Variants in DGKB observed in about 807,000 individuals in gnomAD.
DGKB encodes the protein 90 kDa diacylglycerol kinase.
Under a neutral mutation model 114.3 loss-of-function variants are expected in DGKB, and 67 were observed. The observed-to-expected ratio is 0.59, with a 90% CI of 0.48 to 0.72. The LOEUF is 0.72. DGKB is among the 30% of genes least tolerant of loss of function. DGKB has a pLI of 0.00. For missense variants in DGKB, 907 were observed against 975.2 expected (o/e 0.93, Z 0.93); for synonymous variants, 398 against 323.1 (o/e 1.23, Z -2.49).
At chr7:14,183,156 T>C (rs1782890174) in intron 23 of DGKB, among the ~76,000 whole-genome samples, 1 of 152,242 alleles carries the variant, frequency 6.6e-6, no homozygotes, top group Non-Finnish European at 1.5e-5. Context: ...TGATGTTTCA[T>C]TTATCTAGCA....
At chr7:14,581,132 C>A (rs964579757) in intron 18 of DGKB, among the ~76,000 whole-genome samples, 181 bp from the exon 19 acceptor site, 1 of 152,070 alleles carries the variant, frequency 6.6e-6, no homozygotes, top group Non-Finnish European at 1.5e-5. Context: ...ACATTTGTAG[C>A]AATTGATAAG....
chr7:14,195,763 C>G (rs1361842430), intron 23 of DGKB, among the ~76,000 whole-genome samples: 1 of 152,046 alleles, frequency 6.6e-6, no homozygotes, highest in Non-Finnish European at 1.5e-5. Context: ...AAAATAAGGA[C>G]AGAACATGAT....
At chr7:14,377,529 A>G (rs572202016) in intron 21 of DGKB, among the ~76,000 whole-genome samples, 1 of 152,316 alleles carries the variant, frequency 6.6e-6, no homozygotes, top group South Asian at 2.1e-4. Context: ...AAACTTCTAA[A>G]TAATCATTCT....
intron 1 of DGKB, among the ~76,000 whole-genome samples, chr7:14,889,839 C>T (rs1442089611): frequency 6.6e-6 from 1 of 151,430 alleles, no homozygotes; most frequent in Non-Finnish European, 1.5e-5. Flanking sequence ...TAGAAGTAGA[C>T]ATAATTTTTA....
At chr7:14,321,348 T>C (rs1183331391) in intron 23 of DGKB, among the ~76,000 whole-genome samples, 1 of 152,126 alleles carries the variant, frequency 6.6e-6, no homozygotes, top group Non-Finnish European at 1.5e-5. Flanking sequence ...ATAAAAAGTA[T>C]GATTCTCTCA....
chr7:14,325,147 A>T (rs754929339), intron 23 of DGKB, among the ~76,000 whole-genome samples: 2 of 152,180 alleles, frequency 1.3e-5, no homozygotes, highest in Non-Finnish European at 2.9e-5. Context: ...AGCCACTTAG[A>T]GAGTGCTCTT....
chr7:14,466,993 A>C (rs1780573689), intron 21 of DGKB, among the ~76,000 whole-genome samples: 1 of 152,086 alleles, frequency 6.6e-6, no homozygotes, highest in South Asian at 2.1e-4. Flanking sequence ...TGTCCATCAG[A>C]GTTTCTGGAG....
At chr7:14,362,892 A>G (rs1328281776) in intron 21 of DGKB, among the ~76,000 whole-genome samples, 1 of 152,054 alleles carries the variant, frequency 6.6e-6, no homozygotes, top group East Asian at 1.9e-4. Context: ...CCTTCTAGAC[A>G]TGAATCTCTT....
chr7:14,574,105 A>G, intron 20 of DGKB, 107 bp downstream of exon 20: 2 of 855,146 alleles, frequency 2.3e-6, no homozygotes, highest in Non-Finnish European at 3.5e-6. Flanking sequence ...GATGGCACAA[A>G]AGGTAAAATA....
intron 13 of DGKB, among the ~76,000 whole-genome samples, chr7:14,648,663 G>A (rs964491244): frequency 2.6e-4 from 40 of 152,038 alleles, no homozygotes; most frequent in African/African-American, 8.9e-4. Flanking sequence ...TTGACGAGCT[G>A]AGAGAAGAAG....
chr7:14,772,643 T>A (rs1464317427), intron 2 of DGKB, among the ~76,000 whole-genome samples: 1 of 152,130 alleles, frequency 6.6e-6, no homozygotes, highest in Non-Finnish European at 1.5e-5. Flanking sequence ...CATCACACAC[T>A]CTTCCTATCA....
intron 20 of DGKB, among the ~76,000 whole-genome samples, chr7:14,573,507 A>C (rs1036537476): frequency 7.7e-6 from 1 of 129,560 alleles, no homozygotes; most frequent in East Asian, 2.3e-4. Context: ...GTGTGTGTGT[A>C]TGAGATGTGA....
At chr7:14,860,864 T>C (rs1362403447) in intron 1 of DGKB, among the ~76,000 whole-genome samples, 1 of 151,946 alleles carries the variant, frequency 6.6e-6, no homozygotes, top group Non-Finnish European at 1.5e-5. Flanking sequence ...AATTTATAGA[T>C]TTTGTGACAT....
At chr7:14,424,582 A>G (rs1172847615) in intron 21 of DGKB, among the ~76,000 whole-genome samples, 1 of 152,100 alleles carries the variant, frequency 6.6e-6, no homozygotes, top group African/African-American at 2.4e-5. Context: ...TCTTCAAGAC[A>G]CTACTGAGAG....
At chr7:14,919,917 C>A (rs1488312017) in intron 1 of DGKB, among the ~76,000 whole-genome samples, 1 of 152,096 alleles carries the variant, frequency 6.6e-6, no homozygotes, top group African/African-American at 2.4e-5. Context: ...TTCCTGAGGC[C>A]CTCGCCAGAA....
At chr7:14,404,615 C>T (rs79186856) in intron 21 of DGKB, among the ~76,000 whole-genome samples, 2,818 of 152,024 alleles carry the variant, frequency 0.019, 77 homozygotes, top group African/African-American at 0.06. Context: ...GAGCTGCAGC[C>T]TCGTTTTGAA....
intron 2 of DGKB, among the ~76,000 whole-genome samples, chr7:14,840,699 A>AACACACACACACAC (rs57577998): frequency 7.7e-6 from 1 of 130,190 alleles, no homozygotes; most frequent in African/African-American, 2.7e-5. Context: ...ACTCTCTTTT[A>AACACACACACACAC]ACACACACAC....
chr7:14,887,559 C>T (rs765469391), intron 1 of DGKB, among the ~76,000 whole-genome samples: 6 of 151,782 alleles, frequency 4.0e-5, no homozygotes. Flanking sequence ...ATTTCAGCCT[C>T]ATATAACCAC....
chr7:14,244,310 G>A (rs1249500391), intron 23 of DGKB, among the ~76,000 whole-genome samples: 1 of 152,078 alleles, frequency 6.6e-6, no homozygotes, highest in African/African-American at 2.4e-5. Context: ...TAGACTGAAT[G>A]CTTGCGTTCT....
Sources: allele counts gnomAD v4.1 joint callset (sites outside exome capture counted in the v4.1 genomes callset), GRCh38; gene constraint gnomAD v4.1.1; transcripts MANE v1.5; gene names NCBI Gene and HGNC (gene_info 2026-07-23, HGNC 2026-07-21).